Variants in DLGAP5 observed in about 807,000 individuals in gnomAD.
DLGAP5 encodes disks large-associated protein 5.
In DLGAP5, 90 loss-of-function variants were observed where a neutral mutation model predicts 99.6. That is an observed-to-expected ratio of 0.90 (90% CI 0.76 to 1.08). The LOEUF (loss-of-function observed/expected upper bound fraction) is 1.08. Ranked by LOEUF, DLGAP5 falls within the 50% of genes least tolerant of loss-of-function variation. The probability of loss-of-function intolerance (pLI) is 0.00; values close to 1 mark genes in which losing one functional copy is unlikely to be tolerated. For missense variants in DLGAP5, 1,036 were observed against 983.5 expected (o/e 1.05, Z -0.71); for synonymous variants, 311 against 321.3 (o/e 0.97, Z 0.34).
At chr14:55,175,134 GAGA>G (rs750166894) in intron 10 of DLGAP5, among the ~76,000 whole-genome samples, 37 of 152,308 alleles carry the variant, frequency 2.4e-4, no homozygotes, top group Non-Finnish European at 2.1e-4. Flanking sequence ...TCACAGTGCT[GAGA>G]AGAAGTCTTC....
intron 12 of DLGAP5, among the ~76,000 whole-genome samples, chr14:55,169,004 G>A (rs910452580): frequency 1.3e-5 from 2 of 151,562 alleles, no homozygotes; most frequent in East Asian, 1.9e-4. Context: ...GTGAAACTCC[G>A]TCTCTACTAA....
At chr14:55,175,533 C>G in intron 9 of DLGAP5, 61 bp from the exon 10 acceptor site, 1 of 989,988 alleles carries the variant, frequency 1.0e-6, no homozygotes, top group South Asian at 1.6e-5. Context: ...AAATGACAGC[C>G]CCTAAAAAGA....
At chr14:55,181,177 C>T in intron 5 of DLGAP5, 36 bp downstream of exon 5, 1 of 1,577,262 alleles carries the variant, frequency 6.3e-7, no homozygotes, top group East Asian at 2.2e-5. Context: ...GCTGTGGTAG[C>T]CTCAGAGGAT....
intron 10 of DLGAP5, among the ~76,000 whole-genome samples, chr14:55,173,995 G>T (rs1746434120): frequency 6.6e-6 from 1 of 152,226 alleles, no homozygotes; most frequent in Non-Finnish European, 1.5e-5. Context: ...AACAGCGATT[G>T]TTCAGGGAAT....
intron 12 of DLGAP5, among the ~76,000 whole-genome samples, chr14:55,164,909 G>C (rs1356026548): frequency 1.6e-5 from 2 of 126,798 alleles, no homozygotes; most frequent in East Asian, 4.4e-4. Flanking sequence ...GCGACAGAGT[G>C]AGACTCTGTC....
At position 55,180,784 on chromosome 14, in the gene DLGAP5, G is replaced by GA. The variant is rs1883245984; in HGVS notation, c.581-7_581-6insT. On this transcript the variant is annotated splice_region_variant and splice_polypyrimidine_tract_variant and intron_variant, in intron 5 of 18. Coordinates refer to ENST00000247191, the MANE Select transcript of DLGAP5 (RefSeq NM_014750.5). ...GGGCATTACAGGCTGCACAACTGTG[G>GA]GAAAAAAAAATAACTACATCAAATG... 7 of 1,609,510 alleles carry GA rather than the reference G, an allele frequency of 4.3e-6. No individual in the cohort carries two copies. Among genetic ancestry groups the GA allele is most frequent in the Non-Finnish European group, 5.9e-6 (7 of 1,178,792 alleles).
intron 2 of DLGAP5, among the ~76,000 whole-genome samples, chr14:55,185,688 T>C (rs1219202967): frequency 6.6e-6 from 1 of 152,150 alleles, no homozygotes; most frequent in Non-Finnish European, 1.5e-5. Flanking sequence ...TTCACCATGT[T>C]GGACAGGCTG....
At position 55,172,976 on chromosome 14, in the gene DLGAP5, C is replaced by T. The variant is rs549878550; in HGVS notation, c.1302-2189G>A. Reference sequence around the variant, plus strand: ...CGGCCTGGGCAACAGAGCGAGACTCCGTCTCAAAAAAAAAAAAAAAAAAAA... The same window carrying T: ...CGGCCTGGGCAACAGAGCGAGACTCTGTCTCAAAAAAAAAAAAAAAAAAAA... On this transcript the variant is annotated intron_variant, in intron 10 of 18. Transcript: ENST00000247191. 6.3e-4 allele frequency among the ~76,000 whole-genome samples: 63 copies of T among 100,278 alleles called. No individual in the cohort carries two copies. The South Asian group carries it at 0.016, about 26-fold the overall frequency. The allele number at this position is 100,278 out of a possible 152,430, so 65.8% of individuals were successfully genotyped here.
intron 2 of DLGAP5, among the ~76,000 whole-genome samples, chr14:55,188,725 C>T (rs1015505265): frequency 5.5e-5 from 8 of 146,450 alleles, no homozygotes; most frequent in Non-Finnish European, 7.4e-5. Flanking sequence ...TTACAGTGAG[C>T]ACACCACTGC....
intron 1 of DLGAP5, among the ~76,000 whole-genome samples, 185 bp from the exon 2 acceptor site, chr14:55,189,365 T>C (rs577966592): frequency 1.3e-5 from 2 of 152,016 alleles, no homozygotes; most frequent in Admixed American, 1.3e-4. Context: ...GCTACCTATT[T>C]GGGGGTTTTA....
In DLGAP5 at chr14:55,177,141, G is replaced by C; in HGVS notation, c.970C>G (p.Gln324Glu). 1 of 1,600,476 alleles carries C rather than the reference G, an allele frequency of 6.2e-7. No individual in the cohort carries two copies. The change falls in exon 8 of 19, where the codon CAA becomes GAA. Residue 324 changes from glutamine (Q) to glutamate (E), a missense_variant. By Grantham distance (29) the Gln-to-Glu change is conservative. Transcript: ENST00000247191. The part of the protein sequence containing the change: ...FQPLDGLKTY[Q>E]VTPMTPRSAN... ...CTTCTGGGAGTCATAGGTGTTACTT[G>C]ATAGGTCTTCAGACCATCCAGTGGC...
chr14:55,181,222 CTT>C lies in DLGAP5; in HGVS notation c.569_570del (p.Lys190ArgfsTer44). 3.7e-6 allele frequency: 6 copies of C among 1,612,742 alleles called. No individual in the cohort carries two copies. Among genetic ancestry groups the C allele is most frequent in the Non-Finnish European group, 4.2e-6 (5 of 1,179,570 alleles). On this transcript the variant is annotated frameshift_variant, in exon 5 of 19. Coordinates refer to ENST00000247191, the MANE Select transcript of DLGAP5 (RefSeq NM_014750.5). LOFTEE classifies it high-confidence loss of function. The part of the protein sequence containing the change: ...RQTSEKKVSD[K>X]EKKVVQPVMP... ...TTGCTAATATTCCTACCTTTTTTCT[CTT>C]TGTCTGACACTTTCTTTTCAGAAGT... is the stretch of plus-strand genomic sequence containing the variant.
In DLGAP5 at chr14:55,148,205, TA is replaced by T; in HGVS notation, c.*145del. 1 of 830,402 alleles carries T rather than the reference TA, an allele frequency of 1.2e-6. No individual in the cohort carries two copies. The highest frequency in any genetic ancestry group is 1.8e-6 in the Non-Finnish European group (1 of 551,644). The allele number at this position is 830,402 out of a possible 1,614,324, so 51.4% of individuals were successfully genotyped here. A position where few individuals can be genotyped will look rare whatever the true frequency, so the allele number is the denominator to read the frequency against. On this transcript the variant is annotated 3_prime_UTR_variant, in exon 19 of 19. Transcript: ENST00000247191. ...CACTTCCCTTGAGAAAGAGTATATC[TA>T]AAATACACTTTGATGAACACAGAAT...
At chr14:55,180,925 T>C in intron 5 of DLGAP5, 147 bp from the exon 6 acceptor site, 1 of 976,332 alleles carries the variant, frequency 1.0e-6, no homozygotes, top group Non-Finnish European at 1.5e-6. Context: ...GAAACCAGCC[T>C]AGGCAACATA....
At chr14:55,184,694 A>G (rs1401892913) in intron 2 of DLGAP5, among the ~76,000 whole-genome samples, 1 of 152,220 alleles carries the variant, frequency 6.6e-6, no homozygotes, top group African/African-American at 2.4e-5. Flanking sequence ...AGACTCAAGC[A>G]GTCCTATGGA....
chr14:55,167,951 A>T (rs1174740175), intron 12 of DLGAP5, among the ~76,000 whole-genome samples: 2 of 152,074 alleles, frequency 1.3e-5, no homozygotes, highest in Non-Finnish European at 2.9e-5. Context: ...AGTGCTAAAC[A>T]CTCAACAGGC....
chr14:55,177,199 C>A lies in DLGAP5; in HGVS notation c.912G>T (p.Lys304Asn). The A allele has an allele frequency of 6.2e-7, 1 of 1,613,610 alleles. No individual in the cohort carries two copies. The highest frequency in any genetic ancestry group is 8.5e-7 in the Non-Finnish European group (1 of 1,179,850). Residue 304 changes from lysine (K) to asparagine (N), a missense_variant, in exon 8 of 19, where the codon AAG becomes AAT. Transcript: ENST00000247191. ...TAAAATCCTTAGGTGCAAAGGAATT[C>A]TTCCCTTTTATTTTTGCAGTATTTA... Reference protein sequence around the residue: ...PEINTAKIKGKNSFAPKDFMF... With the variant: ...PEINTAKIKGNNSFAPKDFMF...
At chr14:55,167,061 C>T (rs1158952624) in intron 12 of DLGAP5, among the ~76,000 whole-genome samples, 6 of 151,768 alleles carry the variant, frequency 4.0e-5, no homozygotes, top group Non-Finnish European at 1.5e-5. Flanking sequence ...TTAAGACAAG[C>T]CTGACCAACA....
rs199582303 is a variant in DLGAP5, at chr14:55,175,949, C to A, written c.1119G>T (p.Gln373His). The A allele has an allele frequency of 6.8e-6, 11 of 1,609,850 alleles. No individual in the cohort carries two copies. The African/African-American group carries it at 1.1e-4, about 16-fold the overall frequency. The change falls in exon 9 of 19, where the codon CAG (glutamine) becomes CAT (histidine). Residue 373 changes from glutamine (Q) to histidine (H), a missense_variant. Physicochemically the swap from Gln to His is conservative, Grantham distance 24 (BLOSUM62 0). Transcript: ENST00000247191. ...KCKTYSTKTI[Q>H]QDSNKLPCPL... ...GACATGGCAATTTATTTGAATCTTG[C>A]TGTATTGTCTTGGTAGAGTAAGTTT...
Sources: allele counts gnomAD v4.1 joint callset (sites outside exome capture counted in the v4.1 genomes callset), GRCh38; gene constraint gnomAD v4.1.1; transcripts MANE v1.5; gene names NCBI Gene and HGNC (gene_info 2026-07-23, HGNC 2026-07-21).